Variants in TMEM132D observed in about 807,000 individuals in gnomAD.
The protein encoded by TMEM132D is transmembrane protein 132D.
In TMEM132D, 21 loss-of-function variants were observed where a neutral mutation model predicts 62.3. The observed-to-expected ratio is 0.34, with a 90% CI of 0.24 to 0.49. The LOEUF (loss-of-function observed/expected upper bound fraction) is 0.49, where lower values mean the gene tolerates loss of function less well. TMEM132D is among the 20% of genes least tolerant of loss of function. The probability of loss-of-function intolerance (pLI) is 0.99; values close to 1 mark genes in which losing one functional copy is unlikely to be tolerated. For missense variants in TMEM132D, 1,346 were observed against 1,402.8 expected, an observed-to-expected ratio of 0.96 and a Z score of 0.65; for synonymous variants, 621 against 575.6, an observed-to-expected ratio of 1.08 and a Z score of -1.13.
At chr12:129,713,781 C>T (rs1036573919) in intron 1 of TMEM132D, among the ~76,000 whole-genome samples, 5 of 152,182 alleles carry the variant, frequency 3.3e-5, no homozygotes, top group African/African-American at 1.2e-4. Flanking sequence ...CTCATCTACC[C>T]AGCAGGCTTG....
At chr12:129,134,116 T>TTGTGTG (rs141367054) in intron 5 of TMEM132D, among the ~76,000 whole-genome samples, 44 of 144,476 alleles carry the variant, frequency 3.0e-4, no homozygotes, top group Non-Finnish European at 4.2e-4. Flanking sequence ...TGTCTGTGTG[T>TTGTGTG]TGTGTGTGTG....
chr12:129,878,876 T>C (rs1379994408), intron 1 of TMEM132D, among the ~76,000 whole-genome samples: 1 of 152,166 alleles, frequency 6.6e-6, no homozygotes, highest in Non-Finnish European at 1.5e-5. Flanking sequence ...GCCTACAGAT[T>C]GCTTCTTGGA....
At chr12:129,825,416 C>T (rs142825675) in intron 1 of TMEM132D, among the ~76,000 whole-genome samples, 2 of 152,294 alleles carry the variant, frequency 1.3e-5, no homozygotes, top group African/African-American at 2.4e-5. Flanking sequence ...CTGCCTCCAC[C>T]GCTGCTATCC....
At chr12:129,452,365 C>G (rs1259827299) in intron 3 of TMEM132D, among the ~76,000 whole-genome samples, 2 of 152,188 alleles carry the variant, frequency 1.3e-5, no homozygotes, top group African/African-American at 4.8e-5. Flanking sequence ...ACCTGGAAGC[C>G]ATCTCTGAAA....
intron 3 of TMEM132D, among the ~76,000 whole-genome samples, chr12:129,504,164 T>C (rs1875259233): frequency 6.6e-6 from 1 of 152,114 alleles, no homozygotes; most frequent in Non-Finnish European, 1.5e-5. Context: ...ATCATCACCA[T>C]CACCATCATC....
chr12:129,704,346 C>T (rs1432946357), intron 1 of TMEM132D, among the ~76,000 whole-genome samples: 1 of 152,330 alleles, frequency 6.6e-6, no homozygotes, highest in East Asian at 1.9e-4. Context: ...TGGGTGCTCC[C>T]GCACCTGACA....
At chr12:129,115,551 A>G (rs1222742842) in intron 5 of TMEM132D, among the ~76,000 whole-genome samples, 1 of 152,230 alleles carries the variant, frequency 6.6e-6, no homozygotes, top group African/African-American at 2.4e-5. Context: ...TGTGTTATTA[A>G]ATAATGATAC....
In TMEM132D at chr12:129,425,886, A is replaced by C. The variant is rs182768291; in HGVS notation, c.1116-88069T>G. On this transcript the variant is annotated intron_variant, in intron 3 of 8. Transcript: ENST00000422113. The stretch of plus-strand genomic sequence containing the variant: ...CTTCCCAACGCCACATAGGCAATGG[A>C]GCAACGAGCCAACATGGAAAGAAAA... Among the ~76,000 whole-genome samples, 108 of 152,356 alleles carry C rather than the reference A, an allele frequency of 7.1e-4. 1 individual carries two copies. Among genetic ancestry groups the C allele is most frequent in the African/African-American group, 2.5e-3 (104 of 41,588 alleles).
At chr12:129,316,451 G>A (rs558426614) in intron 4 of TMEM132D, among the ~76,000 whole-genome samples, 37 of 152,184 alleles carry the variant, frequency 2.4e-4, no homozygotes, top group African/African-American at 8.9e-4. Flanking sequence ...TATTTGCCTG[G>A]TTTAGTAGGT....
chr12:129,164,467 T>G (rs901420), intron 5 of TMEM132D, among the ~76,000 whole-genome samples: 1 of 152,090 alleles, frequency 6.6e-6, no homozygotes, highest in East Asian at 1.9e-4. Flanking sequence ...GACAGTTTCT[T>G]GTAAAGTTAA....
intron 1 of TMEM132D, among the ~76,000 whole-genome samples, chr12:129,714,915 G>A (rs1868517623): frequency 6.6e-6 from 1 of 152,142 alleles, no homozygotes; most frequent in Admixed American, 6.6e-5. Context: ...TGGACACAGA[G>A]CGCTGACTTT....
intron 3 of TMEM132D, among the ~76,000 whole-genome samples, chr12:129,349,449 T>G (rs1869795775): frequency 6.6e-6 from 1 of 152,210 alleles, no homozygotes; most frequent in South Asian, 2.1e-4. Flanking sequence ...TACCAGGTGC[T>G]AATCAGTGGA....
At chr12:129,302,796 C>T (rs1183288003) in intron 4 of TMEM132D, among the ~76,000 whole-genome samples, 1 of 152,184 alleles carries the variant, frequency 6.6e-6, no homozygotes, top group Non-Finnish European at 1.5e-5. Context: ...CAGCGAAGCT[C>T]GAGCTCAAAG....
chr12:129,143,653 A>G (rs1429478028), intron 5 of TMEM132D, among the ~76,000 whole-genome samples: 2 of 152,232 alleles, frequency 1.3e-5, no homozygotes, highest in African/African-American at 2.4e-5. Context: ...ACTTGTAGAT[A>G]AAAACCAATA....
chr12:129,234,389 G>A (rs1289220910), intron 4 of TMEM132D, among the ~76,000 whole-genome samples: 2 of 152,134 alleles, frequency 1.3e-5, no homozygotes, highest in African/African-American at 4.8e-5. Flanking sequence ...CTCATTGTAG[G>A]CTCCGTAGCA....
chr12:129,766,314 C>G (rs374602265), intron 1 of TMEM132D, among the ~76,000 whole-genome samples: 1 of 152,246 alleles, frequency 6.6e-6, no homozygotes, highest in South Asian at 2.1e-4. Flanking sequence ...AATGGTAAAG[C>G]CTTTTCAGGA....
chr12:129,124,501 T>C (rs1032023623), intron 5 of TMEM132D, among the ~76,000 whole-genome samples: 1 of 152,160 alleles, frequency 6.6e-6, no homozygotes, highest in African/African-American at 2.4e-5. Flanking sequence ...AAGTTAACCA[T>C]TATTTTGGTT....
intron 3 of TMEM132D, among the ~76,000 whole-genome samples, chr12:129,529,724 T>A (rs1310786155): frequency 2.0e-5 from 3 of 152,184 alleles, no homozygotes; most frequent in African/African-American, 7.2e-5. Flanking sequence ...CACTCATCCA[T>A]CCATCCATTT....
chr12:129,145,005 T>A (rs1165917490), intron 5 of TMEM132D, among the ~76,000 whole-genome samples: 1 of 152,154 alleles, frequency 6.6e-6, no homozygotes, highest in Non-Finnish European at 1.5e-5. Flanking sequence ...AATATGTGTA[T>A]ATATACACAC....
Sources: allele counts gnomAD v4.1 joint callset (sites outside exome capture counted in the v4.1 genomes callset), GRCh38; gene constraint gnomAD v4.1.1; transcripts MANE v1.5; gene names NCBI Gene and HGNC (gene_info 2026-07-23, HGNC 2026-07-21).